Variants in ARHGAP15 observed in about 807,000 individuals in gnomAD.
The protein encoded by ARHGAP15 is rho GTPase-activating protein 15.
A neutral mutation model predicts 63.7 loss-of-function variants in ARHGAP15; 51 were observed. The observed-to-expected ratio is 0.80, with a 90% CI of 0.64 to 1.01. The LOEUF is 1.01. ARHGAP15 is among the 50% of genes least tolerant of loss of function. The probability of loss-of-function intolerance (pLI) is 0.00; values close to 1 mark genes in which losing one functional copy is unlikely to be tolerated. For synonymous variants in ARHGAP15, 191 were observed against 193.8 expected, an observed-to-expected ratio of 0.99 and a Z score of 0.12; for missense variants, 560 against 564.6, an observed-to-expected ratio of 0.99 and a Z score of 0.08.
At chr2:143,559,124 T>A (rs1448239527) in intron 11 of ARHGAP15, among the ~76,000 whole-genome samples, 2 of 152,158 alleles carry the variant, frequency 1.3e-5, no homozygotes, top group African/African-American at 4.8e-5. Context: ...TGAAACGATA[T>A]CCTGATTGGG....
At chr2:143,312,968 T>C (rs1335107692) in intron 6 of ARHGAP15, among the ~76,000 whole-genome samples, 2 of 152,188 alleles carry the variant, frequency 1.3e-5, no homozygotes, top group Admixed American at 1.3e-4. Flanking sequence ...ATTCTGTCTG[T>C]CACACTTTAC....
chr2:143,253,744 A>G (rs1680280233), intron 6 of ARHGAP15, among the ~76,000 whole-genome samples: 1 of 149,564 alleles, frequency 6.7e-6, no homozygotes, highest in Non-Finnish European at 1.5e-5. Flanking sequence ...AAATATATAT[A>G]CTTATATACA....
intron 11 of ARHGAP15, among the ~76,000 whole-genome samples, chr2:143,622,259 G>A (rs1323550841): frequency 6.6e-6 from 1 of 152,136 alleles, no homozygotes; most frequent in Non-Finnish European, 1.5e-5. Flanking sequence ...CAGCTGTAGA[G>A]CACACAGGTC....
intron 6 of ARHGAP15, among the ~76,000 whole-genome samples, chr2:143,283,986 A>G (rs553946553): frequency 1.1e-4 from 16 of 151,816 alleles, no homozygotes; most frequent in African/African-American, 3.6e-4. Context: ...TTTATTTTCA[A>G]CTCTTCACTG....
At chr2:143,591,614 C>CTTTTTTTTTTTTTTTTT (rs67060048) in intron 11 of ARHGAP15, among the ~76,000 whole-genome samples, 1 of 124,108 alleles carries the variant, frequency 8.1e-6, no homozygotes. Context: ...TTTGTTTGTT[C>CTTTTTTTTTTTTTTTTT]TTTTTTTTTT....
At chr2:143,464,620 C>A (rs1691115202) in intron 8 of ARHGAP15, among the ~76,000 whole-genome samples, 1 of 152,128 alleles carries the variant, frequency 6.6e-6, no homozygotes, top group African/African-American at 2.4e-5. Context: ...CTAGTCAAGA[C>A]AAACTTCTGT....
chr2:143,637,808 AAAAC>A (rs1460725828), intron 12 of ARHGAP15, among the ~76,000 whole-genome samples: 35 of 152,280 alleles, frequency 2.3e-4, no homozygotes, highest in Non-Finnish European at 3.7e-4. Context: ...CTACATGAAA[AAAAC>A]AAACAACCCC....
chr2:143,488,330 G>T (rs1016524678), intron 9 of ARHGAP15, among the ~76,000 whole-genome samples: 4 of 152,128 alleles, frequency 2.6e-5, no homozygotes, highest in Non-Finnish European at 5.9e-5. Flanking sequence ...ATTCATTGTT[G>T]TTATCACTGT....
intron 10 of ARHGAP15, among the ~76,000 whole-genome samples, chr2:143,546,493 C>A (rs1234268759): frequency 6.6e-6 from 1 of 152,134 alleles, no homozygotes; most frequent in African/African-American, 2.4e-5. Context: ...GTACAGATTA[C>A]TCCTCCTGAG....
chr2:143,570,114 C>T (rs2105118077), intron 11 of ARHGAP15, among the ~76,000 whole-genome samples: 1 of 152,180 alleles, frequency 6.6e-6, no homozygotes, highest in African/African-American at 2.4e-5. Flanking sequence ...AATTGCTACA[C>T]CATATGGAAG....
intron 5 of ARHGAP15, among the ~76,000 whole-genome samples, chr2:143,239,036 G>C (rs1245853144): frequency 6.6e-6 from 1 of 152,094 alleles, no homozygotes; most frequent in South Asian, 2.1e-4. Context: ...GGAGGTGGGT[G>C]GTGGGGAGAG....
Position 143,480,062 on chromosome 2 carries a change from A to G in ARHGAP15, c.704-7311A>G, listed in dbSNP as rs180854239. On this transcript the variant is annotated intron_variant, in intron 8 of 13. Coordinates refer to ENST00000295095, the MANE Select transcript of ARHGAP15 (RefSeq NM_018460.4). ...AGCTATGCTAAGTGCTATAACAAAA[A>G]GAGTTTAAACAAAACACCCTGCCTT... Among the ~76,000 whole-genome samples the G allele has an allele frequency of 5.9e-5, 9 of 152,326 alleles. No individual in the cohort carries two copies. In the East Asian group the frequency reaches 1.7e-3, roughly 29 times the overall value.
chr2:143,347,030 T>TAAA (rs1685332497), intron 6 of ARHGAP15, among the ~76,000 whole-genome samples: 2 of 152,184 alleles, frequency 1.3e-5, no homozygotes, highest in Admixed American at 6.6e-5. Flanking sequence ...AGAGGTCTTT[T>TAAA]TGGTCTCTTT....
intron 6 of ARHGAP15, among the ~76,000 whole-genome samples, chr2:143,254,402 G>A (rs1250122416): frequency 6.7e-6 from 1 of 149,544 alleles, no homozygotes; most frequent in Non-Finnish European, 1.5e-5. Flanking sequence ...AAATAATTTA[G>A]AACAAGTTTG....
At chr2:143,382,320 A>T (rs985805786) in intron 6 of ARHGAP15, among the ~76,000 whole-genome samples, 9 of 152,134 alleles carry the variant, frequency 5.9e-5, no homozygotes, top group African/African-American at 2.2e-4. Flanking sequence ...GCACGCTCCC[A>T]CTGAAACCTG....
intron 10 of ARHGAP15, among the ~76,000 whole-genome samples, chr2:143,538,510 G>T (rs556202940): frequency 9.2e-5 from 14 of 152,334 alleles, no homozygotes; most frequent in African/African-American, 3.1e-4. Flanking sequence ...GATATTGGCT[G>T]TGGGTCTGTG....
chr2:143,418,549 G>T (rs749049571), intron 6 of ARHGAP15, among the ~76,000 whole-genome samples: 1 of 152,060 alleles, frequency 6.6e-6, no homozygotes, highest in African/African-American at 2.4e-5. Flanking sequence ...TTCCCAATAG[G>T]ATCTTCTGGA....
At chr2:143,727,859 C>T (rs1212154571) in intron 13 of ARHGAP15, among the ~76,000 whole-genome samples, 1 of 152,072 alleles carries the variant, frequency 6.6e-6, no homozygotes, top group South Asian at 2.1e-4. Context: ...TTTTCTTGTC[C>T]TCATTCAATA....
intron 1 of ARHGAP15, among the ~76,000 whole-genome samples, chr2:143,138,404 G>A (rs1490878361): frequency 1.3e-5 from 2 of 152,052 alleles, no homozygotes; most frequent in Non-Finnish European, 2.9e-5. Context: ...AGCCTGTTAA[G>A]TGTTAGCAGT....
Sources: allele counts gnomAD v4.1 joint callset (sites outside exome capture counted in the v4.1 genomes callset), GRCh38; gene constraint gnomAD v4.1.1; transcripts MANE v1.5; gene names NCBI Gene and HGNC (gene_info 2026-07-23, HGNC 2026-07-21).